Variants in BRWD1 observed in about 807,000 individuals in gnomAD.
The protein encoded by BRWD1 is bromodomain and WD repeat domain containing 1, also known as bromodomain and WD repeat-containing protein 1.
Under a neutral mutation model 251.2 loss-of-function variants are expected in BRWD1, and 82 were observed. The observed-to-expected ratio is 0.33, with a 90% confidence interval of 0.27 to 0.39. The LOEUF (loss-of-function observed/expected upper bound fraction) is 0.39. Ranked by LOEUF, BRWD1 falls within the 10% of genes least tolerant of loss-of-function variation. The probability of loss-of-function intolerance (pLI) is 1.00; values close to 1 mark genes in which losing one functional copy is unlikely to be tolerated. For synonymous variants in BRWD1, 918 were observed against 902.8 expected, an observed-to-expected ratio of 1.02 and a Z score of -0.30; for missense variants, 2,233 against 2,711.6, an observed-to-expected ratio of 0.82 and a Z score of 3.92.
chr21:39,243,986 A>AT (rs1020390429), intron 21 of BRWD1, among the ~76,000 whole-genome samples: 6 of 151,760 alleles, frequency 4.0e-5, no homozygotes, highest in South Asian at 4.2e-4. Flanking sequence ...CATTCAATAA[A>AT]TTTTTTTTTA....
chr21:39,242,925 A>G (rs2034051723), intron 21 of BRWD1, among the ~76,000 whole-genome samples: 1 of 152,162 alleles, frequency 6.6e-6, no homozygotes, highest in Admixed American at 6.5e-5. Context: ...CTTTCCAAAT[A>G]TTACTGCTTG....
intron 29 of BRWD1, among the ~76,000 whole-genome samples, chr21:39,223,357 C>T (rs1371905342): frequency 6.6e-6 from 1 of 151,700 alleles, no homozygotes; most frequent in Non-Finnish European, 1.5e-5. Context: ...TATCAAAATG[C>T]AGATATTCAG....
intron 34 of BRWD1, among the ~76,000 whole-genome samples, chr21:39,211,651 T>A (rs2032663479): frequency 1.3e-5 from 2 of 152,256 alleles, no homozygotes; most frequent in South Asian, 4.2e-4. Context: ...GTAATACATT[T>A]TTATTATTTA....
At chr21:39,235,039 A>G (rs1419535430) in intron 23 of BRWD1, among the ~76,000 whole-genome samples, 1 of 152,204 alleles carries the variant, frequency 6.6e-6, no homozygotes, top group African/African-American at 2.4e-5. Flanking sequence ...ACCTGAGGTC[A>G]GAAGTTCGAG....
intron 29 of BRWD1, among the ~76,000 whole-genome samples, chr21:39,221,673 C>A (rs184723198): frequency 6.6e-6 from 1 of 152,254 alleles, no homozygotes; most frequent in Non-Finnish European, 1.5e-5. Context: ...CCGTGGCTCA[C>A]GCCTGTAATC....
chr21:39,247,821 C>T lies in BRWD1; in HGVS notation c.2361G>A (p.Val787=). ...TTTGTCTAGACTGTGATACCAAAAC[C>T]ACTGAATCCGACTGAAACACAGAAA... ...TLQLSHKSDS[V]VLVSQSRQRT... is the part of the protein sequence containing the mutation. Residue 787 remains valine (V), a synonymous_variant, in exon 21 of 41, where the codon GTG becomes GTA. Transcript: ENST00000342449. The T allele has an allele frequency of 6.3e-7, 1 of 1,599,966 alleles. No homozygotes were observed. Among genetic ancestry groups the T allele is most frequent in the Non-Finnish European group, 8.5e-7 (1 of 1,174,126 alleles).
intron 12 of BRWD1, among the ~76,000 whole-genome samples, chr21:39,275,023 C>T (rs577551485): frequency 3.3e-5 from 5 of 150,570 alleles, no homozygotes; most frequent in Admixed American, 2.7e-4. Flanking sequence ...CCAGCCTAGG[C>T]AACAGAGCTA....
intron 18 of BRWD1, among the ~76,000 whole-genome samples, 193 bp from the exon 19 acceptor site, chr21:39,256,021 T>C (rs1275728468): frequency 6.6e-6 from 1 of 152,216 alleles, no homozygotes. Context: ...TCTTGCTATG[T>C]TGCCCGGGCT....
chr21:39,270,494 A>G, intron 13 of BRWD1, 61 bp from the exon 14 acceptor site: 1 of 1,341,518 alleles, frequency 7.5e-7, no homozygotes, highest in Non-Finnish European at 1.0e-6. Context: ...AATGTATACA[A>G]TCTCTCATCA....
At chr21:39,200,537 C>A in intron 38 of BRWD1, 151 bp from the exon 39 acceptor site, 2 of 587,738 alleles carry the variant, frequency 3.4e-6, no homozygotes, top group Non-Finnish European at 5.3e-6. Flanking sequence ...AAAACCATTC[C>A]CAAAAAAAGC....
At position 39,264,575 on chromosome 21, in the gene BRWD1, T is replaced by C. The variant is rs1299236179; in HGVS notation, c.1770A>G (p.Pro590=). 5 of 1,613,308 alleles carry C rather than the reference T, an allele frequency of 3.1e-6. No individual in the cohort carries two copies. Among genetic ancestry groups the C allele is most frequent in the Admixed American group, 3.3e-5 (2 of 59,934 alleles). ...GATTTCCATCTACATCTACCAAGAA[T>C]GGTGGAGGCATAAGATGAGGAGCCT... The part of the protein sequence containing the change: ...TQQAPHLMPP[P]FLVDVDGNPH... The change falls in exon 17 of 41, where the codon CCA becomes CCG. Residue 590 remains proline (P), a synonymous_variant. Transcript: ENST00000342449.
intron 12 of BRWD1, 86 bp from the exon 13 acceptor site, chr21:39,274,558 T>TA: frequency 1.9e-6 from 2 of 1,070,634 alleles, no homozygotes; most frequent in South Asian, 2.6e-5. Context: ...AAAAAGAATG[T>TA]AATGAAGCTG....
chr21:39,213,350 A>C (rs2032746236), intron 33 of BRWD1, 131 bp downstream of exon 33: 1 of 761,110 alleles, frequency 1.3e-6, no homozygotes, highest in Non-Finnish European at 2.2e-6. Context: ...TCAAAAATAT[A>C]ATTTTATCAA....
intron 18 of BRWD1, 124 bp downstream of exon 18, chr21:39,258,363 T>G: frequency 1.2e-6 from 1 of 844,808 alleles, no homozygotes; most frequent in Non-Finnish European, 1.7e-6. Context: ...AGACTACTAA[T>G]TAAGTTGTAA....
At chr21:39,281,844 G>A (rs1010439705) in intron 8 of BRWD1, among the ~76,000 whole-genome samples, 4 of 150,994 alleles carry the variant, frequency 2.6e-5, no homozygotes, top group Non-Finnish European at 5.9e-5. Context: ...CTCCAGCCGG[G>A]ACAACACAGC....
At position 39,296,261 on chromosome 21, in the gene BRWD1, T is replaced by G. The variant is rs1181793714; in HGVS notation, c.448+4A>C. ...CAGGCATCTCAAAGGCCAACCTTAC[T>G]TACCAAGATTTGGTGGGGAACCATA... On this transcript the variant is annotated splice_donor_region_variant and intron_variant, in intron 6 of 40. Coordinates refer to ENST00000342449, the MANE Select transcript of BRWD1 (RefSeq NM_033656.4). The G allele has an allele frequency of 6.3e-7, 1 of 1,587,006 alleles. No individual in the cohort carries two copies. The highest frequency in any genetic ancestry group is 8.5e-7 in the Non-Finnish European group (1 of 1,170,232).
At chr21:39,197,442 TA>T in intron 40 of BRWD1, 27 bp from the exon 41 acceptor site, 1 of 1,490,352 alleles carries the variant, frequency 6.7e-7, no homozygotes, top group Non-Finnish European at 9.0e-7. Flanking sequence ...AGATTTCTAT[TA>T]ATCTTTTGTA....
At position 39,195,450 on chromosome 21, in the gene BRWD1, CA is replaced by C. The variant is rs1244770419; in HGVS notation, c.*808del. ...AGCAAGATTTTGGTTAAATCCCTTA[CA>C]ATGGAAACCAGGAGATCTTGGACAG... On this transcript the variant is annotated 3_prime_UTR_variant, in exon 41 of 41. Coordinates refer to ENST00000342449, the MANE Select transcript of BRWD1 (RefSeq NM_033656.4). The C allele has an allele frequency of 1.0e-6, 1 of 985,576 alleles. No individual in the cohort carries two copies. 61.1% of individuals were successfully genotyped at this position (985,576 alleles called of 1,614,324 possible).
Position 39,188,070 on chromosome 21 carries a change from C to G in BRWD1, c.*8189G>C, listed in dbSNP as rs752306443. On this transcript the variant is annotated 3_prime_UTR_variant, in exon 41 of 41. Coordinates refer to ENST00000342449, the MANE Select transcript of BRWD1 (RefSeq NM_033656.4). ...CAGCCACATGATGCCAGAGCTACTA[C>G]TCCGTGCTGACCAAACTTAGGAGGG... The G allele has an allele frequency of 2.4e-5, 24 of 985,318 alleles. No homozygotes were observed. The highest frequency in any genetic ancestry group is 5.2e-4 in the Middle Eastern group (1 of 1,936). The allele number at this position is 985,318 out of a possible 1,614,324, so 61.0% of individuals were successfully genotyped here.
Sources: allele counts gnomAD v4.1 joint callset (sites outside exome capture counted in the v4.1 genomes callset), GRCh38; gene constraint gnomAD v4.1.1; transcripts MANE v1.5; gene names NCBI Gene and HGNC (gene_info 2026-07-23, HGNC 2026-07-21).